Variants in PACSIN2 observed in about 807,000 individuals in gnomAD.
PACSIN2 encodes the protein protein kinase C and casein kinase substrate in neurons 2, also known as protein kinase C and casein kinase substrate in neurons protein 2.
Under a neutral mutation model 63.8 loss-of-function variants are expected in PACSIN2, and 25 were observed. That is an observed-to-expected ratio of 0.39 (90% CI 0.29 to 0.55). The LOEUF (loss-of-function observed/expected upper bound fraction) is 0.55, where lower values mean the gene tolerates loss of function less well. PACSIN2 is among the 20% of genes least tolerant of loss of function. The probability of loss-of-function intolerance (pLI) is 0.62; values close to 1 mark genes in which losing one functional copy is unlikely to be tolerated. For synonymous variants in PACSIN2, 255 were observed against 256.2 expected (o/e 1.00, Z 0.05); for missense variants, 518 against 646.9 (o/e 0.80, Z 2.16).
intron 1 of PACSIN2, among the ~76,000 whole-genome samples, chr22:42,934,655 G>GC: frequency 6.6e-6 from 1 of 152,128 alleles, no homozygotes; most frequent in East Asian, 1.9e-4. Context: ...CCTCCAAGAA[G>GC]CCCCCCACCG....
chr22:42,927,894 T>A (rs1349114821), intron 1 of PACSIN2, among the ~76,000 whole-genome samples: 1 of 152,210 alleles, frequency 6.6e-6, no homozygotes, highest in Non-Finnish European at 1.5e-5. Flanking sequence ...GCCTCAGTCA[T>A]TTTTAATGGC....
chr22:43,014,349 C>G (rs868535902), intron 1 of PACSIN2, among the ~76,000 whole-genome samples: 4,120 of 24,256 alleles, frequency 0.17, 277 homozygotes, highest in African/African-American at 0.47. Flanking sequence ...CACACACACA[C>G]ACAGACACAC....
chr22:42,928,150 G>A (rs919194160), intron 1 of PACSIN2, among the ~76,000 whole-genome samples: 3 of 152,174 alleles, frequency 2.0e-5, no homozygotes, highest in Non-Finnish European at 2.9e-5. Flanking sequence ...ACACTTAAGG[G>A]GCAAACCATA....
At chr22:42,999,812 G>C (rs1923650849) in intron 1 of PACSIN2, among the ~76,000 whole-genome samples, 1 of 152,182 alleles carries the variant, frequency 6.6e-6, no homozygotes, top group Admixed American at 6.5e-5. Context: ...CCCTGAGACA[G>C]ACCCAGATCT....
At chr22:42,939,485 G>A (rs1933053335) in intron 1 of PACSIN2, among the ~76,000 whole-genome samples, 1 of 152,198 alleles carries the variant, frequency 6.6e-6, no homozygotes, top group Admixed American at 6.5e-5. Context: ...GACGCAGTTA[G>A]AGCAGGCCTA....
intron 1 of PACSIN2, among the ~76,000 whole-genome samples, chr22:42,985,822 CA>C (rs1206679532): frequency 6.6e-6 from 1 of 152,202 alleles, no homozygotes; most frequent in Non-Finnish European, 1.5e-5. Context: ...AATCACTGAG[CA>C]AAACCCAGGT....
chr22:42,901,969 C>A (rs75887584), intron 2 of PACSIN2, among the ~76,000 whole-genome samples: 87 of 152,348 alleles, frequency 5.7e-4, no homozygotes, highest in Middle Eastern at 3.4e-3. Context: ...TCTGCTGATG[C>A]CACCAGCTGG....
At chr22:42,981,984 G>A (rs1601601484) in intron 1 of PACSIN2, among the ~76,000 whole-genome samples, 3 of 103,236 alleles carry the variant, frequency 2.9e-5, no homozygotes, top group Admixed American at 8.5e-5. Context: ...CAGCCGCCCC[G>A]TCCGGGAGGG....
At chr22:43,008,575 G>T (rs933396579) in intron 1 of PACSIN2, among the ~76,000 whole-genome samples, 3 of 152,120 alleles carry the variant, frequency 2.0e-5, no homozygotes, top group African/African-American at 7.2e-5. Context: ...TTACATATAT[G>T]AGCTCTTTAT....
At chr22:43,014,317 G>A (rs1490709421) in intron 1 of PACSIN2, among the ~76,000 whole-genome samples, 2 of 48,166 alleles carry the variant, frequency 4.2e-5, no homozygotes, top group East Asian at 7.2e-4. Flanking sequence ...TGCTCCCCCC[G>A]CCCTACACAC....
intron 1 of PACSIN2, among the ~76,000 whole-genome samples, chr22:42,949,049 T>C (rs1169110674): frequency 6.6e-6 from 1 of 152,042 alleles, no homozygotes; most frequent in African/African-American, 2.4e-5. Context: ...TCCCAGCACT[T>C]TGGGAGGTGG....
At chr22:42,982,888 A>AAC (rs1555943705) in intron 1 of PACSIN2, among the ~76,000 whole-genome samples, 2 of 105,222 alleles carry the variant, frequency 1.9e-5, no homozygotes, top group African/African-American at 3.3e-5. Flanking sequence ...AAAAAAAAAA[A>AAC]AACAACAACA....
In PACSIN2 at chr22:42,870,800, C is replaced by G. The variant is rs552710163; in HGVS notation, c.*557G>C. ...CATCTGCCACCTGAGGCTAAGCCTA[C>G]ACACGGCGTGGCTGAGTAACAGGGT... On this transcript the variant is annotated 3_prime_UTR_variant, in exon 11 of 11. Coordinates refer to ENST00000263246, the MANE Select transcript of PACSIN2 (RefSeq NM_001184970.3). 1 of 152,974 alleles carries G rather than the reference C, an allele frequency of 6.5e-6. No individual in the cohort carries two copies. The highest frequency in any genetic ancestry group is 1.9e-4 in the East Asian group (1 of 5,218). The allele number at this position is 152,974 out of a possible 1,614,324, so 9.5% of individuals were successfully genotyped here. A position where few individuals can be genotyped will look rare whatever the true frequency, so the allele number is the denominator to read the frequency against.
chr22:42,911,748 C>G (rs1183237127), intron 2 of PACSIN2, among the ~76,000 whole-genome samples: 1 of 152,246 alleles, frequency 6.6e-6, no homozygotes, highest in Admixed American at 6.5e-5. Context: ...AGGTGATCCC[C>G]AAGACCTTTC....
intron 1 of PACSIN2, among the ~76,000 whole-genome samples, chr22:42,995,107 A>C (rs534683682): frequency 6.6e-6 from 1 of 152,252 alleles, no homozygotes; most frequent in Non-Finnish European, 1.5e-5. Context: ...CCGGGCCCCA[A>C]CTGCCAGGAA....
chr22:42,934,293 C>T (rs543996342), intron 1 of PACSIN2, among the ~76,000 whole-genome samples: 2 of 152,358 alleles, frequency 1.3e-5, no homozygotes, highest in Admixed American at 1.3e-4. Context: ...ACCAGTCAAT[C>T]TGGTAAAGAG....
At chr22:42,955,289 G>C (rs1933867481) in intron 1 of PACSIN2, among the ~76,000 whole-genome samples, 1 of 152,134 alleles carries the variant, frequency 6.6e-6, no homozygotes, top group South Asian at 2.1e-4. Flanking sequence ...ATGAATGAAT[G>C]AATGAATGAA....
At chr22:42,961,430 A>C (rs949576075) in intron 1 of PACSIN2, among the ~76,000 whole-genome samples, 3 of 134,222 alleles carry the variant, frequency 2.2e-5, no homozygotes, top group Non-Finnish European at 3.1e-5. Context: ...TGTGAGAAAC[A>C]CCCAAGAATG....
intron 1 of PACSIN2, among the ~76,000 whole-genome samples, chr22:42,965,076 G>A (rs1370697839): frequency 1.3e-5 from 2 of 152,172 alleles, no homozygotes; most frequent in Non-Finnish European, 2.9e-5. Context: ...TGGCATCGGC[G>A]CACAGCTGAA....
Sources: gnomAD v4.1 joint callset for allele counts (sites outside exome capture counted in the v4.1 genomes callset) on GRCh38, gnomAD v4.1.1 for gene constraint, MANE v1.5 for transcripts, NCBI Gene and HGNC (gene_info 2026-07-23, HGNC 2026-07-21) for gene names.